Variants in DNAH6 observed in about 807,000 individuals in gnomAD.
DNAH6 encodes the protein dynein axonemal heavy chain 6, also known as axonemal beta dynein heavy chain 6.
Under a neutral mutation model 491.4 loss-of-function variants are expected in DNAH6, and 340 were observed. The ratio of observed to expected loss-of-function variants is 0.69; its 90% confidence interval spans 0.63 to 0.76. DNAH6 has a LOEUF of 0.76. DNAH6 is among the 30% of genes least tolerant of loss of function. The pLI, the probability that DNAH6 is intolerant of heterozygous loss-of-function variation, is 0.00. For synonymous variants in DNAH6, 1,603 were observed against 1,686.1 expected (o/e 0.95, Z 1.21); for missense variants, 4,443 against 4,972.2 (o/e 0.89, Z 3.20).
At chr2:84,785,560 C>G in intron 66 of DNAH6, 50 bp from the exon 67 acceptor site, 14 of 1,450,044 alleles carry the variant, frequency 9.7e-6, no homozygotes, top group Non-Finnish European at 1.3e-5. Context: ...AGAAATAATG[C>G]AAATCTATAA....
chr2:84,705,599 A>G lies in DNAH6; in HGVS notation c.8579A>G (p.Tyr2860Cys). The change falls in exon 52 of 77, where the codon TAT (tyrosine) becomes TGT (cysteine). Residue 2860 changes from tyrosine to cysteine, a missense_variant. Physicochemically the swap from Tyr to Cys is radical, Grantham distance 194. Around this residue, in one of 3 missense-constraint regions of DNAH6, gnomAD observed 1,463 missense variants for 1,656.6 expected, o/e 0.88. Transcript: ENST00000389394. ...CAGATATTGGCAAAGCTTCAAAAGTATATTAATAATCCTGATTTTGTGCCT... is the reference window on the plus strand; with the variant it reads ...CAGATATTGGCAAAGCTTCAAAAGTGTATTAATAATCCTGATTTTGTGCCT... The part of the protein sequence containing the change: ...KPQILAKLQK[Y>C]INNPDFVPEK... 6.4e-7 allele frequency: 1 copy of G among 1,551,708 alleles called. No homozygotes were observed. The highest frequency in any genetic ancestry group is 8.7e-7 in the Non-Finnish European group (1 of 1,146,986).
chr2:84,685,343 C>A lies in DNAH6; in HGVS notation c.6934C>A (p.Pro2312Thr). 6.7e-7 allele frequency: 1 copy of A among 1,503,316 alleles called. No individual in the cohort carries two copies. Among genetic ancestry groups the A allele is most frequent in the South Asian group, 1.3e-5 (1 of 75,000 alleles). 93.1% of individuals were successfully genotyped at this position (1,503,316 alleles called of 1,614,324 possible). ...AAAAACAGGTATCCTCCAATGTGAT[C>A]CAGGAACAATAAGAGAAGAAATTCA... is the stretch of plus-strand genomic sequence containing the variant. The part of the protein sequence containing the change: ...KCVQGILQCD[P>T]GTIREEIQIF... The change falls in exon 43 of 77, where the codon CCA becomes ACA. Residue 2312 changes from proline (P) to threonine (T), a missense_variant. Pro to Thr is a conservative substitution (Grantham distance 38, BLOSUM62 -1). This residue lies in a region of DNAH6 where 2,977 missense variants were observed against 3,296.6 expected (regional missense o/e 0.90). Coordinates refer to ENST00000389394, the MANE Select transcript of DNAH6 (RefSeq NM_001370.2).
intron 64 of DNAH6, among the ~76,000 whole-genome samples, chr2:84,773,831 A>G (rs1181851965): frequency 6.6e-6 from 1 of 152,004 alleles, no homozygotes; most frequent in Non-Finnish European, 1.5e-5. Context: ...CATTTCTCTG[A>G]TGATTAGTGA....
chr2:84,654,250 G>A (rs1690737723), intron 34 of DNAH6, among the ~76,000 whole-genome samples: 1 of 152,104 alleles, frequency 6.6e-6, no homozygotes, highest in Non-Finnish European at 1.5e-5. Context: ...GAGGGATTGG[G>A]AGAGGAATGT....
chr2:84,571,084 T>A (rs1456203076), intron 11 of DNAH6, among the ~76,000 whole-genome samples: 1 of 152,140 alleles, frequency 6.6e-6, no homozygotes. Flanking sequence ...CACTACCAAA[T>A]CCTTTGAATA....
chr2:84,596,174 A>G (rs1339338676), intron 18 of DNAH6, among the ~76,000 whole-genome samples: 1 of 152,114 alleles, frequency 6.6e-6, no homozygotes, highest in African/African-American at 2.4e-5. Context: ...CATTTTCCAG[A>G]TGTGCTATGA....
At chr2:84,772,193 A>C (rs937559534) in intron 64 of DNAH6, among the ~76,000 whole-genome samples, 7 of 152,122 alleles carry the variant, frequency 4.6e-5, no homozygotes, top group African/African-American at 1.7e-4. Flanking sequence ...GATCACTATG[A>C]AAACAACTAA....
chr2:84,506,717 T>C, the DNAH6 span, among the ~76,000 whole-genome samples: 2 of 152,202 alleles, frequency 1.3e-5, no homozygotes, highest in African/African-American at 2.4e-5. Context: ...CATGTAAGTC[T>C]TTAACCATCT....
At chr2:84,736,907 G>C (rs1253837829) in intron 62 of DNAH6, among the ~76,000 whole-genome samples, 2 of 152,022 alleles carry the variant, frequency 1.3e-5, no homozygotes, top group African/African-American at 4.8e-5. Flanking sequence ...TTTTGTTCCA[G>C]TTCTTATGGG....
At chr2:84,791,630 C>T (rs2105265289) in intron 68 of DNAH6, among the ~76,000 whole-genome samples, 1 of 149,598 alleles carries the variant, frequency 6.7e-6, no homozygotes, top group Non-Finnish European at 1.5e-5. Flanking sequence ...TGTAAATTTA[C>T]CAAAAATTAA....
intron 31 of DNAH6, among the ~76,000 whole-genome samples, chr2:84,639,902 T>C (rs1342915097): frequency 3.3e-5 from 5 of 152,218 alleles, no homozygotes; most frequent in African/African-American, 1.2e-4. Context: ...CCAGCTCCAC[T>C]GTCAGAGACA....
At chr2:84,465,278 G>T in the DNAH6 span, among the ~76,000 whole-genome samples, 1 of 152,124 alleles carries the variant, frequency 6.6e-6, no homozygotes, top group Non-Finnish European at 1.5e-5. Flanking sequence ...AGCAGATCAC[G>T]AGGTCAGGAG....
Position 84,703,566 on chromosome 2 carries a change from T to C in DNAH6, c.8229+4T>C. On this transcript the variant is annotated splice_donor_region_variant and intron_variant, in intron 50 of 76. Coordinates refer to ENST00000389394, the MANE Select transcript of DNAH6 (RefSeq NM_001370.2). The stretch of plus-strand genomic sequence containing the variant: ...GGATCAAGAAAGTGCCGATCAGGTA[T>C]GCTGCAGTTCCTGAGAATGTGGAAA... The C allele has an allele frequency of 1.3e-6, 2 of 1,546,056 alleles. No individual in the cohort carries two copies. Among genetic ancestry groups the C allele is most frequent in the South Asian group, 2.4e-5 (2 of 82,792 alleles).
rs1419442712 is a variant in DNAH6, at chr2:84,584,293, T to C, written c.2481+43T>C. The C allele has an allele frequency of 6.3e-6, 10 of 1,581,792 alleles. No homozygotes were observed. The South Asian group carries it at 1.1e-4, about 18-fold the overall frequency. On this transcript the variant is annotated intron_variant, in intron 15 of 76. Coordinates refer to ENST00000389394, the MANE Select transcript of DNAH6 (RefSeq NM_001370.2). ...TTTGTAAAAATAATCTATGCAAAGT[T>C]TTACTATTACATTTGTTTATTAAAG... is the stretch of plus-strand genomic sequence containing the variant.
chr2:84,718,198 T>C lies in DNAH6; in HGVS notation c.9612-6T>C. 6.6e-7 allele frequency: 1 copy of C among 1,509,126 alleles called. No homozygotes were observed. Among genetic ancestry groups the C allele is most frequent in the Non-Finnish European group, 8.9e-7 (1 of 1,129,744 alleles). 93.5% of individuals were successfully genotyped at this position (1,509,126 alleles called of 1,614,324 possible). A position where few individuals can be genotyped will look rare whatever the true frequency, so the allele number is the denominator to read the frequency against. ...CATAATTTAGATATCTGAACTTTGG[T>C]TTTAGTGATGTGGTGCGACTTGAAA... On this transcript the variant is annotated splice_region_variant and splice_polypyrimidine_tract_variant and intron_variant, in intron 58 of 76. Transcript: ENST00000389394.
chr2:84,722,817 ATGT>A lies in DNAH6; in HGVS notation c.9972+18_9972+20del. 7.1e-7 allele frequency: 1 copy of A among 1,414,694 alleles called. No homozygotes were observed. The highest frequency in any genetic ancestry group is 9.4e-7 in the Non-Finnish European group (1 of 1,068,262). The allele number at this position is 1,414,694 out of a possible 1,614,324, so 87.6% of individuals were successfully genotyped here. On this transcript the variant is annotated intron_variant, in intron 60 of 76. Coordinates refer to ENST00000389394, the MANE Select transcript of DNAH6 (RefSeq NM_001370.2). ...ATACTTTAAACAGGTAAGTGTGTTC[ATGT>A]TGTTAATGACAGTCATCTCTTTGGC... is the stretch of plus-strand genomic sequence containing the variant.
Position 84,704,241 on chromosome 2 carries a change from A to T in DNAH6, c.8404A>T (p.Thr2802Ser). The change falls in exon 51 of 77, where the codon ACA (threonine) becomes TCA (serine). Residue 2802 changes from threonine (T) to serine (S), a missense_variant. Around this residue, in one of 3 missense-constraint regions of DNAH6, gnomAD observed 1,463 missense variants for 1,656.6 expected, o/e 0.88. Transcript: ENST00000389394. ...KADISEIRVF[T>S]KPPDLVMTVM... ...AGATATATCTGAAATCAGAGTTTTT[A>T]CAAAGCCCCCAGATTTGGTCATGAC... The T allele has an allele frequency of 6.4e-7, 1 of 1,551,808 alleles. No homozygotes were observed. The highest frequency in any genetic ancestry group is 8.7e-7 in the Non-Finnish European group (1 of 1,147,018).
the DNAH6 span, among the ~76,000 whole-genome samples, chr2:84,502,778 T>C: frequency 7.2e-5 from 11 of 152,186 alleles, no homozygotes; most frequent in African/African-American, 2.7e-4. Flanking sequence ...AGTTTCAGTC[T>C]TGAAATCTAT....
intron 19 of DNAH6, 122 bp downstream of exon 19, chr2:84,604,673 ATCCC>A: frequency 1.4e-6 from 1 of 714,172 alleles, no homozygotes; most frequent in Non-Finnish European, 2.3e-6. Flanking sequence ...ATTATCAGTC[ATCCC>A]TCTGTTGTTT....
Sources: gnomAD v4.1 joint callset for allele counts (sites outside exome capture counted in the v4.1 genomes callset) on GRCh38, gnomAD v4.1.1 for gene constraint, gnomAD v4.1.1 regional missense constraint, MANE v1.5 for transcripts, NCBI Gene and HGNC (gene_info 2026-07-23, HGNC 2026-07-21) for gene names.